The following PTPRN2 variants were observed in gnomAD, a reference collection of about 807,000 sequenced individuals.
The protein encoded by PTPRN2 is receptor-type tyrosine-protein phosphatase N2.
In PTPRN2, 74 loss-of-function variants were observed where a neutral mutation model predicts 118.8. The observed-to-expected ratio is 0.62, with a 90% CI of 0.52 to 0.76. The LOEUF (loss-of-function observed/expected upper bound fraction) is 0.76, where lower values mean the gene tolerates loss of function less well. PTPRN2 is among the 30% of genes least tolerant of loss of function. The pLI, the probability that PTPRN2 is intolerant of heterozygous loss-of-function variation, is 0.00. For missense variants in PTPRN2, 1,481 were observed against 1,394.4 expected (o/e 1.06, Z -0.99); for synonymous variants, 641 against 608.0 (o/e 1.05, Z -0.80).
At chr7:158,263,083 CCACACACATT>C (rs1298824352) in intron 3 of PTPRN2, among the ~76,000 whole-genome samples, 1 of 146,096 alleles carries the variant, frequency 6.8e-6, no homozygotes, top group Non-Finnish European at 1.5e-5. Context: ...ATCACACACA[CCACACACATT>C]CACACACTGC....
rs184457431 is a variant in PTPRN2, at chr7:157,890,370, G to A, written c.1788+8303C>T. Among the ~76,000 whole-genome samples the A allele has an allele frequency of 5.3e-3, 810 of 152,230 alleles. 11 individuals are homozygous for A. Among genetic ancestry groups the A allele is most frequent in the African/African-American group, 0.019 (770 of 41,524 alleles). On this transcript the variant is annotated intron_variant, in intron 12 of 22. Coordinates refer to ENST00000389418, the MANE Select transcript of PTPRN2 (RefSeq NM_002847.5). ...AAAAATAAGACTTCAGGCTGGGCAC[G>A]GTGGCTCAGGCTTGTAATCCCAGCA... is the stretch of plus-strand genomic sequence containing the variant.
chr7:158,217,839 A>C (rs1229293199), intron 3 of PTPRN2, among the ~76,000 whole-genome samples: 1 of 152,224 alleles, frequency 6.6e-6, no homozygotes, highest in Non-Finnish European at 1.5e-5. Context: ...TGAGAGAAGA[A>C]TTTTAGAGCT....
intron 3 of PTPRN2, among the ~76,000 whole-genome samples, chr7:158,255,063 G>A (rs982406460): frequency 6.6e-6 from 1 of 152,180 alleles, no homozygotes; most frequent in Non-Finnish European, 1.5e-5. Context: ...CCTGTTCTTT[G>A]TATAGAGGTT....
intron 3 of PTPRN2, among the ~76,000 whole-genome samples, chr7:158,239,160 AG>A (rs1352792891): frequency 1.3e-5 from 2 of 152,220 alleles, no homozygotes; most frequent in Admixed American, 1.3e-4. Flanking sequence ...GGCCAGCCAG[AG>A]GGTCGATGTT....
At chr7:158,270,832 ATGACCCCCTCACCTGGACCGCCCCC>A (rs1798344720) in intron 3 of PTPRN2, among the ~76,000 whole-genome samples, 124 of 5,174 alleles carry the variant, frequency 0.024, 12 homozygotes, top group Middle Eastern at 0.12. Context: ...CTCCACCTGG[ATGACCCCCTCACCTGGACCGCCCCC>A]CCACCTGGAC....
chr7:157,837,401 A>C (rs1394392981), intron 12 of PTPRN2, among the ~76,000 whole-genome samples: 3 of 151,540 alleles, frequency 2.0e-5, no homozygotes, highest in African/African-American at 7.3e-5. Flanking sequence ...GACGGCTAGG[A>C]CATTATTAAT....
intron 1 of PTPRN2, among the ~76,000 whole-genome samples, chr7:158,503,693 G>T (rs1822540027): frequency 6.6e-6 from 1 of 152,206 alleles, no homozygotes; most frequent in Admixed American, 6.5e-5. Context: ...GTCTGCACCT[G>T]TTCACTTGAA....
intron 12 of PTPRN2, among the ~76,000 whole-genome samples, chr7:157,703,869 C>T (rs1388241737): frequency 6.6e-6 from 1 of 152,152 alleles, no homozygotes. Context: ...CTCCCCTGCC[C>T]TCCACTTTCT....
intron 21 of PTPRN2, among the ~76,000 whole-genome samples, chr7:157,562,929 C>T (rs1457520984): frequency 7.4e-6 from 1 of 134,720 alleles, no homozygotes; most frequent in African/African-American, 2.9e-5. Context: ...ATCAGGACCA[C>T]GTGCTCCCAC....
chr7:158,540,276 C>T (rs569042041), intron 1 of PTPRN2, among the ~76,000 whole-genome samples: 6 of 152,306 alleles, frequency 3.9e-5, no homozygotes, highest in East Asian at 1.9e-4. Flanking sequence ...TTACTCCAAG[C>T]GTATTAGGGT....
rs147915781 is a variant in PTPRN2, at chr7:158,041,365, C to T, written c.1723+39933G>A. 1.2e-3 allele frequency among the ~76,000 whole-genome samples: 180 copies of T among 152,252 alleles called. 2 individuals carry two copies. The East Asian group carries it at 0.014, about 11-fold the overall frequency. ...ATAAAGAAACAATTGAGGCTGGGCA[C>T]GGTGGCTCATGCCCATAATCCCAGC... On this transcript the variant is annotated intron_variant, in intron 11 of 22. Coordinates refer to ENST00000389418, the MANE Select transcript of PTPRN2 (RefSeq NM_002847.5).
At chr7:157,774,880 A>T (rs985355746) in intron 12 of PTPRN2, among the ~76,000 whole-genome samples, 1 of 152,204 alleles carries the variant, frequency 6.6e-6, no homozygotes, top group Non-Finnish European at 1.5e-5. Context: ...GACAAGTCAG[A>T]GTGGAGGTAA....
In PTPRN2 at chr7:158,081,258, A is replaced by G. The variant is rs138569346; in HGVS notation, c.1723+40T>C. ...TTTGCGTGCGTGTGTGTGTGCACAC[A>G]CGTGTGTGTGCGTGTACGTGTGTGT... On this transcript the variant is annotated intron_variant, in intron 11 of 22. Transcript: ENST00000389418. 1.7e-4 allele frequency: 265 copies of G among 1,540,258 alleles called. 2 individuals carry two copies. The East Asian group carries it at 4.8e-3, about 28-fold the overall frequency.
rs1800484095 is a variant in PTPRN2, at chr7:157,583,113, T to G, written c.2497-4973A>C. On this transcript the variant is annotated intron_variant, in intron 17 of 22. Coordinates refer to ENST00000389418, the MANE Select transcript of PTPRN2 (RefSeq NM_002847.5). The surrounding 1 kb of genome is among the most constrained non-coding windows in gnomAD (Gnocchi z 5.5). ...GATAATGGCTAAAGAAAATGTGGTA[T>G]ATACACAATGAAATATTATTCAGCC... 6.6e-6 allele frequency among the ~76,000 whole-genome samples: 1 copy of G among 152,122 alleles called. No homozygotes were observed. Among genetic ancestry groups the G allele is most frequent in the African/African-American group, 2.4e-5 (1 of 41,424 alleles).
At chr7:158,068,189 C>T (rs578228435) in intron 11 of PTPRN2, among the ~76,000 whole-genome samples, 143 of 152,342 alleles carry the variant, frequency 9.4e-4, no homozygotes, top group African/African-American at 3.2e-3. Flanking sequence ...AGCGTGGGGA[C>T]TTCATCCCTC....
At position 158,107,909 on chromosome 7, in the gene PTPRN2, C is replaced by T. The variant is rs140126342; in HGVS notation, c.1643+2920G>A. On this transcript the variant is annotated intron_variant, in intron 10 of 22. Coordinates refer to ENST00000389418, the MANE Select transcript of PTPRN2 (RefSeq NM_002847.5). ...TGCCCACAGCAGGCCCATGTACCTG[C>T]CCCCTCTCTCACATGGATCTGGGAA... Among the ~76,000 whole-genome samples the T allele has an allele frequency of 4.2e-3, 635 of 151,190 alleles. 6 individuals carry two copies. The highest frequency in any genetic ancestry group is 0.014 in the African/African-American group (559 of 41,180).
At chr7:158,460,616 G>A (rs1203453839) in intron 2 of PTPRN2, among the ~76,000 whole-genome samples, 6 of 151,980 alleles carry the variant, frequency 3.9e-5, no homozygotes, top group African/African-American at 1.2e-4. Context: ...GCTGTGTGCC[G>A]TCAGCACAGG....
intron 15 of PTPRN2, chr7:157,616,386 C>T (rs1159001655): frequency 6.6e-6 from 1 of 152,210 alleles, no homozygotes; most frequent in African/African-American, 2.4e-5. Context: ...TGCTTTTAGA[C>T]AATCTTTCCC....
rs1032735679 is a variant in PTPRN2 at position 157,690,478 on chromosome 7, G to A, written c.1789-7541C>T. On this transcript the variant is annotated intron_variant, in intron 12 of 22. Transcript: ENST00000389418. This position sits in a 1 kb window ranked among gnomAD's most constrained non-coding sequence, Gnocchi z 7.1. ...TCCTGCTCCCTCCGCCCCCATCCCA[G>A]CCTCTCTCGCCTCTTCCAGGGCCCA... 1.3e-5 allele frequency among the ~76,000 whole-genome samples: 2 copies of A among 152,052 alleles called. No individual in the cohort carries two copies. Among genetic ancestry groups the A allele is most frequent in the Non-Finnish European group, 2.9e-5 (2 of 67,984 alleles).
Sources: allele counts gnomAD v4.1 joint callset (sites outside exome capture counted in the v4.1 genomes callset), GRCh38; gene constraint gnomAD v4.1.1; non-coding constraint Gnocchi (gnomAD v3.1); transcripts MANE v1.5; gene names NCBI Gene and HGNC (gene_info 2026-07-23, HGNC 2026-07-21).